TMEM114: variants seen among roughly 807,000 people sequenced by gnomAD.
The protein encoded by TMEM114 is claudin-26.
In TMEM114, 6 loss-of-function variants were observed where a neutral mutation model predicts 6.2. The observed-to-expected ratio is 0.97, with a 90% CI of 0.53 to 1.91. TMEM114 has a LOEUF of 1.91. Ranked by LOEUF, TMEM114 falls within the 40% of genes most tolerant of loss-of-function variation. The probability of loss-of-function intolerance (pLI) is 0.01; values close to 1 mark genes in which losing one functional copy is unlikely to be tolerated. For missense variants in TMEM114, 218 were observed against 158.3 expected, an observed-to-expected ratio of 1.38 and a Z score of -2.02; for synonymous variants, 104 against 73.0, an observed-to-expected ratio of 1.42 and a Z score of -2.16.
chr16:8,586,979 G>C (rs1567212523), intron 2 of TMEM114, among the ~76,000 whole-genome samples: 1 of 152,090 alleles, frequency 6.6e-6, no homozygotes, highest in Non-Finnish European at 1.5e-5. Context: ...TGGTGTGCTG[G>C]AGCTGACTCA....
At chr16:8,556,466 T>C (rs998315249) in intron 2 of TMEM114, among the ~76,000 whole-genome samples, 5 of 152,340 alleles carry the variant, frequency 3.3e-5, no homozygotes, top group African/African-American at 1.2e-4. Context: ...ATGTACTGAA[T>C]GCCACTGAGT....
At chr16:8,589,543 ACAGGTCCCAAGGGAG>A (rs1235561691) in intron 1 of TMEM114, 61 bp downstream of exon 1, 5 of 398,298 alleles carry the variant, frequency 1.3e-5, no homozygotes, top group African/African-American at 1.0e-4. Context: ...GCGCCAAGCA[ACAGGTCCCAAGGGAG>A]CAGGGCACCG....
Position 8,583,149 on chromosome 16 carries a change from C to T in TMEM114, c.301+6064G>A, listed in dbSNP as rs571411912. Among the ~76,000 whole-genome samples the T allele has an allele frequency of 1.6e-4, 24 of 152,234 alleles. No individual in the cohort carries two copies. In the South Asian group the frequency reaches 4.8e-3, roughly 30 times the overall value. On this transcript the variant is annotated intron_variant, in intron 2 of 3. Coordinates refer to ENST00000620492, the MANE Select transcript of TMEM114 (RefSeq NM_001146336.2). The stretch of plus-strand genomic sequence containing the variant: ...TAAATGAGTAGATACAAGTCAAGAG[C>T]TCAGAATGGTGTCCAGCACACAGCA...
At chr16:8,558,439 C>T (rs988525026) in intron 2 of TMEM114, among the ~76,000 whole-genome samples, 1 of 152,056 alleles carries the variant, frequency 6.6e-6, no homozygotes, top group Non-Finnish European at 1.5e-5. Flanking sequence ...GTGTATCTCT[C>T]CATCCTCACA....
intron 3 of TMEM114, among the ~76,000 whole-genome samples, chr16:8,570,443 T>C (rs1169022939): frequency 6.6e-6 from 1 of 152,154 alleles, no homozygotes; most frequent in East Asian, 1.9e-4. Context: ...GCTATTCTCC[T>C]GCCTCAGCCT....
At chr16:8,551,361 G>A (rs990113890) in intron 2 of TMEM114, among the ~76,000 whole-genome samples, 2 of 152,134 alleles carry the variant, frequency 1.3e-5, no homozygotes, top group African/African-American at 4.8e-5. Context: ...CCCTAGTAAC[G>A]GTGGGACCCT....
intron 2 of TMEM114, among the ~76,000 whole-genome samples, chr16:8,550,419 G>T (rs1387948349): frequency 2.6e-5 from 4 of 152,018 alleles, no homozygotes; most frequent in Admixed American, 1.3e-4. Flanking sequence ...GGTGGCTCAC[G>T]CCTGCAATTC....
intron 2 of TMEM114, among the ~76,000 whole-genome samples, chr16:8,563,127 G>A (rs200157420): frequency 0.034 from 5,034 of 148,166 alleles, 122 homozygotes; most frequent in South Asian, 0.092. Context: ...ATGAGTGAGT[G>A]TGTGAATGAG....
downstream of TMEM114, among the ~76,000 whole-genome samples, chr16:8,535,988 G>C (rs1294741452): frequency 6.6e-6 from 1 of 152,142 alleles, no homozygotes; most frequent in East Asian, 1.9e-4. Context: ...TACTTTGAGA[G>C]GTCGAGGCGG....
At chr16:8,563,177 GTGAGTGAA>G (rs1417072092) in intron 2 of TMEM114, among the ~76,000 whole-genome samples, 377 of 149,598 alleles carry the variant, frequency 2.5e-3, no homozygotes, top group Admixed American at 6.2e-3. Context: ...GAGTAAATGA[GTGAGTGAA>G]TGAGTGAATG....
At chr16:8,549,821 G>A (rs1031375940) in intron 2 of TMEM114, among the ~76,000 whole-genome samples, 1 of 152,174 alleles carries the variant, frequency 6.6e-6, no homozygotes, top group African/African-American at 2.4e-5. Context: ...TAATAGGATA[G>A]ATGTTGATAT....
chr16:8,541,902 C>G (rs1900526052), intron 2 of TMEM114, among the ~76,000 whole-genome samples: 1 of 152,182 alleles, frequency 6.6e-6, no homozygotes, highest in South Asian at 2.1e-4. Context: ...GTAGCACAGG[C>G]TCCAATTCCC....
At chr16:8,555,454 A>G (rs1043968371) in intron 2 of TMEM114, among the ~76,000 whole-genome samples, 1 of 130,370 alleles carries the variant, frequency 7.7e-6, no homozygotes, top group Admixed American at 8.1e-5. Flanking sequence ...TCAGCTAGAA[A>G]ATGAGCAGTA....
chr16:8,555,897 G>C (rs1314388316), intron 2 of TMEM114, among the ~76,000 whole-genome samples: 4 of 152,314 alleles, frequency 2.6e-5, no homozygotes, highest in African/African-American at 9.6e-5. Flanking sequence ...GGGAAAGCCT[G>C]GTTGGCCTCA....
intron 2 of TMEM114, among the ~76,000 whole-genome samples, chr16:8,577,258 C>G (rs1403204743): frequency 6.6e-6 from 1 of 152,216 alleles, no homozygotes; most frequent in Non-Finnish European, 1.5e-5. Context: ...CCCACAGCCC[C>G]TGCAGCTGTG....
intron 3 of TMEM114, among the ~76,000 whole-genome samples, 190 bp from the exon 4 acceptor site, chr16:8,570,195 A>C (rs1051225878): frequency 2.6e-5 from 4 of 151,538 alleles, no homozygotes; most frequent in Admixed American, 6.6e-5. Flanking sequence ...GTCATCGGCA[A>C]CTCCTACCCT....
downstream of TMEM114, among the ~76,000 whole-genome samples, chr16:8,566,731 C>T (rs983231820): frequency 6.6e-6 from 1 of 152,112 alleles, no homozygotes; most frequent in Admixed American, 6.5e-5. Context: ...AGCTTCTTCC[C>T]ACCTCAGGGC....
chr16:8,553,091 C>G (rs886181262), intron 2 of TMEM114, among the ~76,000 whole-genome samples: 8 of 152,218 alleles, frequency 5.3e-5, no homozygotes, highest in African/African-American at 1.4e-4. Flanking sequence ...GTTGCTCACC[C>G]TTTGCTTGGC....
At chr16:8,551,533 C>T (rs537514434) in intron 2 of TMEM114, among the ~76,000 whole-genome samples, 49 of 152,340 alleles carry the variant, frequency 3.2e-4, no homozygotes, top group African/African-American at 1.2e-3. Flanking sequence ...GCCCCAAACT[C>T]AACTTCCTGT....
Sources: gnomAD v4.1 joint callset for allele counts (sites outside exome capture counted in the v4.1 genomes callset) on GRCh38, gnomAD v4.1.1 for gene constraint, MANE v1.5 for transcripts, NCBI Gene and HGNC (gene_info 2026-07-23, HGNC 2026-07-21) for gene names.